The following RGS21 variants were observed in gnomAD, a reference collection of about 807,000 sequenced individuals.
The protein encoded by RGS21 is regulator of G protein signaling 21.
RGS21 carries 19 observed loss-of-function variants against 18.7 expected under a neutral mutation model. The observed-to-expected ratio is 1.01, with a 90% CI of 0.71 to 1.49. The LOEUF (loss-of-function observed/expected upper bound fraction) is 1.49. Ranked by LOEUF, RGS21 falls within the 40% of genes most tolerant of loss-of-function variation. RGS21 has a pLI of 0.00. For synonymous variants in RGS21, 56 were observed against 57.8 expected (o/e 0.97, Z 0.14); for missense variants, 194 against 176.8 (o/e 1.10, Z -0.55).
At chr1:192,345,052 T>C (rs1259013960) in intron 2 of RGS21, among the ~76,000 whole-genome samples, 1 of 152,132 alleles carries the variant, frequency 6.6e-6, no homozygotes, top group Admixed American at 6.6e-5. Flanking sequence ...TCCCACACTT[T>C]GCTTTCTTTC....
In RGS21 at chr1:192,321,420, A is replaced by T. The variant is rs59999653; in HGVS notation, c.-61+4315A>T. ...GATTTGACATTAGGGCTGAATTTTC[A>T]TTGGAACTGGTGGAAAGTTTTATAA... On this transcript the variant is annotated intron_variant, in intron 1 of 4. Transcript: ENST00000417209. 1.6e-3 allele frequency among the ~76,000 whole-genome samples: 242 copies of T among 152,070 alleles called. 1 individual carries two copies. Among genetic ancestry groups the T allele is most frequent in the African/African-American group, 5.6e-3 (231 of 41,548 alleles).
Position 192,350,835 on chromosome 1 carries a change from A to G in RGS21, c.89-1212A>G, listed in dbSNP as rs115301550. On this transcript the variant is annotated intron_variant, in intron 3 of 4. Coordinates refer to ENST00000417209, the MANE Select transcript of RGS21 (RefSeq NM_001039152.3). ...TAAGCTCTGGGTATGCCAAAGAAAA[A>G]TGTTTCCTGGCCCATTTTGATGAGG... Among the ~76,000 whole-genome samples the G allele has an allele frequency of 3.3e-3, 502 of 152,262 alleles. 1 individual carries two copies. Among genetic ancestry groups the G allele is most frequent in the Admixed American group, 6.8e-3 (103 of 15,250 alleles).
chr1:192,358,938 TC>T (rs1003556108), intron 4 of RGS21, among the ~76,000 whole-genome samples: 2 of 152,056 alleles, frequency 1.3e-5, no homozygotes, highest in African/African-American at 4.8e-5. Context: ...ACCTGAAACA[TC>T]ATTCATAAAG....
chr1:192,362,547 T>G (rs924631623), intron 4 of RGS21, among the ~76,000 whole-genome samples: 4 of 152,166 alleles, frequency 2.6e-5, no homozygotes, highest in Non-Finnish European at 5.9e-5. Context: ...TATAATTACA[T>G]TTACACGAAC....
intron 1 of RGS21, among the ~76,000 whole-genome samples, chr1:192,335,935 A>C (rs1658759825): frequency 6.6e-6 from 1 of 152,144 alleles, no homozygotes; most frequent in Non-Finnish European, 1.5e-5. Flanking sequence ...AGCATTTTGG[A>C]CTTCTAGGTA....
intron 2 of RGS21, among the ~76,000 whole-genome samples, chr1:192,344,641 T>C (rs995754061): frequency 1.3e-5 from 2 of 152,116 alleles, no homozygotes; most frequent in Non-Finnish European, 2.9e-5. Context: ...AATTTACAAA[T>C]TTAACTGGCA....
At chr1:192,359,655 G>GTATATATATATATATATATATA (rs10638712) in intron 4 of RGS21, among the ~76,000 whole-genome samples, 158 of 124,188 alleles carry the variant, frequency 1.3e-3, no homozygotes, top group African/African-American at 3.6e-3. Flanking sequence ...GTGTGTGTGT[G>GTATATATATATATATATATATA]TATATATATA....
chr1:192,366,400 T>A lies in RGS21; in HGVS notation c.*276T>A. 1 of 264,900 alleles carries A rather than the reference T, an allele frequency of 3.8e-6. No individual in the cohort carries two copies. Among genetic ancestry groups the A allele is most frequent in the Non-Finnish European group, 7.2e-6 (1 of 139,706 alleles). 16.4% of individuals were successfully genotyped at this position (264,900 alleles called of 1,614,324 possible). A position where few individuals can be genotyped will look rare whatever the true frequency, so the allele number is the denominator to read the frequency against. The stretch of plus-strand genomic sequence containing the variant: ...CCAAAACTGAATATTCTTATTATAT[T>A]ATAATGTAAGGAATTATACATATCT... On this transcript the variant is annotated 3_prime_UTR_variant, in exon 5 of 5. Transcript: ENST00000417209.
intron 1 of RGS21, among the ~76,000 whole-genome samples, chr1:192,319,105 G>A (rs907254512): frequency 2.0e-5 from 3 of 152,000 alleles, no homozygotes; most frequent in Admixed American, 1.3e-4. Flanking sequence ...TTAGCCTGGT[G>A]TGGTGTGGTG....
At chr1:192,329,944 G>A (rs1658621530) in intron 1 of RGS21, among the ~76,000 whole-genome samples, 1 of 152,116 alleles carries the variant, frequency 6.6e-6, no homozygotes. Context: ...CTAAAATCAT[G>A]TGGTGAAGAG....
At position 192,365,936 on chromosome 1, in the gene RGS21, G is replaced by C. The variant is rs370485345; in HGVS notation, c.271G>C (p.Gly91Arg). Residue 91 changes from glycine (G) to arginine (R), a missense_variant, in exon 5 of 5, where the codon GGT (glycine) becomes CGT (arginine). Gly to Arg is a moderately radical substitution (Grantham distance 125, BLOSUM62 -2). Transcript: ENST00000417209. ...TTTTCCACAGATTAACATTGACTTC[G>C]GTACCAGAGACCTCATCTCAAAGAA... The part of the protein sequence containing the change: ...DAPKEINIDF[G>R]TRDLISKNIA... 1.9e-6 allele frequency: 3 copies of C among 1,599,970 alleles called. No individual in the cohort carries two copies. The African/African-American group carries it at 4.0e-5, about 22-fold the overall frequency.
At chr1:192,342,142 T>C (rs539205272) in intron 1 of RGS21, among the ~76,000 whole-genome samples, 1 of 152,068 alleles carries the variant, frequency 6.6e-6, no homozygotes, top group Admixed American at 6.6e-5. Flanking sequence ...TTGACTGCTT[T>C]CTTTCTCCCA....
intron 4 of RGS21, among the ~76,000 whole-genome samples, chr1:192,362,291 T>C (rs540561156): frequency 6.6e-6 from 1 of 152,218 alleles, no homozygotes; most frequent in South Asian, 2.1e-4. Flanking sequence ...AAGGGAAAGA[T>C]ACTGTAAAAA....
intron 4 of RGS21, among the ~76,000 whole-genome samples, chr1:192,355,439 CTTA>C (rs1659097294): frequency 1.3e-5 from 2 of 151,404 alleles, no homozygotes; most frequent in South Asian, 4.1e-4. Context: ...AACGTGAACA[CTTA>C]TTATAAAAAT....
intron 1 of RGS21, among the ~76,000 whole-genome samples, chr1:192,337,569 C>G (rs1001209530): frequency 2.0e-5 from 3 of 151,994 alleles, no homozygotes; most frequent in Non-Finnish European, 2.9e-5. Flanking sequence ...GAAAGGTTAG[C>G]TCAGGAGAAT....
At chr1:192,318,289 C>T (rs1658447315) in intron 1 of RGS21, among the ~76,000 whole-genome samples, 1 of 152,054 alleles carries the variant, frequency 6.6e-6, no homozygotes, top group Non-Finnish European at 1.5e-5. Context: ...CCACAGCATT[C>T]TCGAAGTAAC....
chr1:192,356,652 A>G (rs2102236550), intron 4 of RGS21, among the ~76,000 whole-genome samples: 1 of 151,908 alleles, frequency 6.6e-6, no homozygotes, highest in South Asian at 2.1e-4. Flanking sequence ...AAACAGATAT[A>G]TGAGTTGTTG....
intron 1 of RGS21, among the ~76,000 whole-genome samples, chr1:192,332,807 C>T (rs936096640): frequency 2.0e-5 from 3 of 152,034 alleles, no homozygotes; most frequent in South Asian, 2.1e-4. Context: ...CTAGCTACTC[C>T]GGCGGCTGAG....
At chr1:192,359,325 G>T (rs1892145) in intron 4 of RGS21, among the ~76,000 whole-genome samples, 47,953 of 151,674 alleles carry the variant, frequency 0.32, 8,765 homozygotes, top group African/African-American at 0.5. Flanking sequence ...GTTCATAGTT[G>T]GAGATGCTCA....
Sources: allele counts gnomAD v4.1 joint callset (sites outside exome capture counted in the v4.1 genomes callset), GRCh38; gene constraint gnomAD v4.1.1; transcripts MANE v1.5; gene names NCBI Gene and HGNC (gene_info 2026-07-23, HGNC 2026-07-21).